SNW1: variants seen among roughly 807,000 people sequenced by gnomAD.
SNW1 encodes SNW domain containing 1.
In SNW1, 9 loss-of-function variants were observed where a neutral mutation model predicts 75.6. The observed-to-expected ratio is 0.12, with a 90% CI of 0.07 to 0.21. The LOEUF (loss-of-function observed/expected upper bound fraction) is 0.21, where lower values mean the gene tolerates loss of function less well. SNW1 is among the 10% of genes least tolerant of loss of function. The pLI, the probability that SNW1 is intolerant of heterozygous loss-of-function variation, is 1.00. For synonymous variants in SNW1, 200 were observed against 219.1 expected (o/e 0.91, Z 0.77); for missense variants, 409 against 670.9 (o/e 0.61, Z 4.31).
At chr14:77,725,563 C>T (rs1168268346) in intron 10 of SNW1, among the ~76,000 whole-genome samples, 1 of 152,200 alleles carries the variant, frequency 6.6e-6, no homozygotes, top group African/African-American at 2.4e-5. Context: ...TCGGTTTTCA[C>T]AGCATTATGT....
rs577144121 is a variant in SNW1, at chr14:77,730,976, A to G, written c.1033+12T>C. 6.2e-7 allele frequency: 1 copy of G among 1,609,250 alleles called. No homozygotes were observed. Among genetic ancestry groups the G allele is most frequent in the Admixed American group, 1.7e-5 (1 of 58,952 alleles). ...CCAAGCAAAATTCAATTCAGTAATG[A>G]GAATGTCATACCTTTTTCCACATGA... On this transcript the variant is annotated intron_variant, in intron 10 of 13. Coordinates refer to ENST00000261531, the MANE Select transcript of SNW1 (RefSeq NM_012245.3).
At chr14:77,746,095 T>C (rs1024359939) in intron 3 of SNW1, among the ~76,000 whole-genome samples, 15 of 152,234 alleles carry the variant, frequency 9.9e-5, no homozygotes, top group African/African-American at 3.4e-4. Context: ...AACTGAACTA[T>C]TTATTTTTGG....
chr14:77,738,900 T>A lies in SNW1; in HGVS notation c.427-16A>T. The A allele has an allele frequency of 1.2e-6, 2 of 1,611,822 alleles. No homozygotes were observed. The highest frequency in any genetic ancestry group is 1.7e-6 in the Non-Finnish European group (2 of 1,177,890). On this transcript the variant is annotated splice_polypyrimidine_tract_variant and intron_variant, in intron 4 of 13. Coordinates refer to ENST00000261531, the MANE Select transcript of SNW1 (RefSeq NM_012245.3). ...TTTCTGTTATCTGAAATAGGAAATA[T>A]CACATTGAGAGTTTGGAAGTTAATC... is the stretch of plus-strand genomic sequence containing the variant.
At chr14:77,720,979 G>GGAATAT in intron 11 of SNW1, 151 bp from the exon 12 acceptor site, 2 of 626,632 alleles carry the variant, frequency 3.2e-6, no homozygotes, top group East Asian at 2.7e-5. Context: ...ACATAATCAA[G>GGAATAT]CTGGCAGCCC....
intron 10 of SNW1, among the ~76,000 whole-genome samples, chr14:77,726,248 A>G (rs1157084531): frequency 1.3e-5 from 2 of 152,188 alleles, no homozygotes; most frequent in Admixed American, 6.5e-5. Flanking sequence ...TAACAATAAT[A>G]ATTTTTCCAA....
At position 77,717,988 on chromosome 14, in the gene SNW1, G is replaced by A. The variant is rs541466222; in HGVS notation, c.*100C>T. Reference sequence around the variant, plus strand: ...AAGTAGTGCTGGGATCTGGCACCCAGATTTGGTTTTTATCCTGACCATTTA... The same window carrying A: ...AAGTAGTGCTGGGATCTGGCACCCAAATTTGGTTTTTATCCTGACCATTTA... On this transcript the variant is annotated 3_prime_UTR_variant, in exon 14 of 14. Coordinates refer to ENST00000261531, the MANE Select transcript of SNW1 (RefSeq NM_012245.3). The A allele has an allele frequency of 4.7e-5, 51 of 1,076,678 alleles. No homozygotes were observed. The highest frequency in any genetic ancestry group is 7.5e-5 in the Admixed American group (3 of 40,108). 66.7% of individuals were successfully genotyped at this position (1,076,678 alleles called of 1,614,324 possible).
At chr14:77,719,376 G>A (rs1420046413) in intron 12 of SNW1, among the ~76,000 whole-genome samples, 1 of 152,032 alleles carries the variant, frequency 6.6e-6, no homozygotes, top group Non-Finnish European at 1.5e-5. Context: ...AGTGGCTCAC[G>A]CCTGTAATCC....
Position 77,717,842 on chromosome 14 carries a change from T to G in SNW1, c.*246A>C, listed in dbSNP as rs920664904. 1 of 556,820 alleles carries G rather than the reference T, an allele frequency of 1.8e-6. No individual in the cohort carries two copies. The highest frequency in any genetic ancestry group is 3.1e-6 in the Non-Finnish European group (1 of 317,752). 34.5% of individuals were successfully genotyped at this position (556,820 alleles called of 1,614,324 possible). ...AAGTAAGTGGTCTTGACTTTGTATG[T>G]GGGGCAGCATGTTCTATAAATGCTG... On this transcript the variant is annotated 3_prime_UTR_variant, in exon 14 of 14. Transcript: ENST00000261531.
intron 11 of SNW1, 185 bp from the exon 12 acceptor site, chr14:77,721,013 G>A: frequency 7.1e-6 from 4 of 566,772 alleles, no homozygotes; most frequent in South Asian, 2.1e-5. Flanking sequence ...CAGATTAGAG[G>A]GAGAGTTTTA....
intron 6 of SNW1, among the ~76,000 whole-genome samples, chr14:77,736,514 A>C (rs1340882616): frequency 1.3e-5 from 2 of 151,680 alleles, no homozygotes; most frequent in South Asian, 4.2e-4. Flanking sequence ...ATGCCACTGC[A>C]CTCCAGCCTG....
chr14:77,748,206 A>AG (rs1374217664), intron 3 of SNW1, among the ~76,000 whole-genome samples: 1 of 152,172 alleles, frequency 6.6e-6, no homozygotes, highest in Non-Finnish European at 1.5e-5. Context: ...AGATGCTTGA[A>AG]GGCAGCATGC....
chr14:77,760,393 G>C (rs529517437), intron 1 of SNW1, among the ~76,000 whole-genome samples: 1 of 152,274 alleles, frequency 6.6e-6, no homozygotes, highest in African/African-American at 2.4e-5. Flanking sequence ...ACTTAAAATG[G>C]GGCAGCAAGG....
At chr14:77,725,329 T>G (rs535071111) in intron 10 of SNW1, among the ~76,000 whole-genome samples, 1 of 152,368 alleles carries the variant, frequency 6.6e-6, no homozygotes, top group Admixed American at 6.5e-5. Context: ...GCTTTTCAGC[T>G]TGACGCAATC....
chr14:77,751,399 T>C lies in SNW1; in HGVS notation c.250A>G (p.Asn84Asp). 3.7e-6 allele frequency: 6 copies of C among 1,613,966 alleles called. No individual in the cohort carries two copies. Among genetic ancestry groups the C allele is most frequent in the Non-Finnish European group, 4.2e-6 (5 of 1,179,926 alleles). ...LDMGRKKKMS[N>D]ALAIQVDSEG... is the part of the protein sequence containing the mutation. The stretch of plus-strand genomic sequence containing the variant: ...GAATCCACCTGAATGGCCAGCGCAT[T>C]CGACATTTTTTTCTTTCGTCCCATA... The change falls in exon 3 of 14, where the codon AAT becomes GAT. Residue 84 changes from asparagine (N) to aspartate (D), a missense_variant. By Grantham distance (23) the Asn-to-Asp change is conservative. Around this residue, in one of 9 missense-constraint regions of SNW1, gnomAD observed 60 missense variants for 62.6 expected, o/e 0.96. Transcript: ENST00000261531.
At chr14:77,722,818 T>G (rs763072801) in intron 11 of SNW1, 1 of 415,908 alleles carries the variant, frequency 2.4e-6, no homozygotes, top group South Asian at 1.8e-5. Context: ...AAAAGGCCAC[T>G]CTTCATGATT....
At chr14:77,736,549 AAAAAAC>A (rs35573525) in intron 6 of SNW1, among the ~76,000 whole-genome samples, 48 of 63,896 alleles carry the variant, frequency 7.5e-4, no homozygotes, top group East Asian at 2.5e-3. Context: ...ACTGTCTCTC[AAAAAAC>A]AAAAACAAAA....
chr14:77,729,526 T>TA (rs1261453355), intron 10 of SNW1, among the ~76,000 whole-genome samples: 1 of 151,630 alleles, frequency 6.6e-6, no homozygotes, highest in Non-Finnish European at 1.5e-5. Context: ...GGAGGTCTTT[T>TA]AAAAATATAT....
chr14:77,721,993 G>C (rs1204104156), intron 11 of SNW1, among the ~76,000 whole-genome samples: 1 of 152,092 alleles, frequency 6.6e-6, no homozygotes, highest in Non-Finnish European at 1.5e-5. Flanking sequence ...AGTGATTCGC[G>C]TGCTTTGGCC....
At chr14:77,757,985 G>GCAAT (rs1384721949) in intron 1 of SNW1, among the ~76,000 whole-genome samples, 2 of 107,724 alleles carry the variant, frequency 1.9e-5, no homozygotes, top group Non-Finnish European at 3.9e-5. Flanking sequence ...TTTCTCTATT[G>GCAAT]CAATCAATCA....
Sources: gnomAD v4.1 joint callset for allele counts (sites outside exome capture counted in the v4.1 genomes callset) on GRCh38, gnomAD v4.1.1 for gene constraint, gnomAD v4.1.1 regional missense constraint, MANE v1.5 for transcripts, NCBI Gene and HGNC (gene_info 2026-07-23, HGNC 2026-07-21) for gene names.